PRKG1: variants seen among roughly 807,000 people sequenced by gnomAD.
PRKG1 encodes the protein cGMP-dependent protein kinase 1.
In PRKG1, 35 loss-of-function variants were observed where a neutral mutation model predicts 88.1. The ratio of observed to expected loss-of-function variants is 0.40; its 90% CI spans 0.30 to 0.53. PRKG1 has a LOEUF of 0.53. PRKG1 is among the 20% of genes least tolerant of loss of function. The pLI is 0.59. For synonymous variants in PRKG1, 303 were observed against 292.5 expected, an observed-to-expected ratio of 1.04 and a Z score of -0.37; for missense variants, 540 against 839.8, an observed-to-expected ratio of 0.64 and a Z score of 4.41.
chr10:51,897,722 A>G (rs1207903506), intron 4 of PRKG1, among the ~76,000 whole-genome samples: 2 of 152,074 alleles, frequency 1.3e-5, no homozygotes, highest in African/African-American at 2.4e-5. Context: ...TTCAAAATAT[A>G]ACAGAGCCCA....
intron 4 of PRKG1, among the ~76,000 whole-genome samples, chr10:51,880,833 T>C (rs1446543131): frequency 6.6e-6 from 1 of 152,182 alleles, no homozygotes; most frequent in Non-Finnish European, 1.5e-5. Context: ...GGTTCATCAA[T>C]TCAAGAATTA....
intron 7 of PRKG1, among the ~76,000 whole-genome samples, chr10:52,098,625 T>C (rs1847227704): frequency 6.6e-6 from 1 of 152,082 alleles, no homozygotes; most frequent in Non-Finnish European, 1.5e-5. Flanking sequence ...GATGTGTAAA[T>C]AGATGTATAA....
intron 2 of PRKG1, among the ~76,000 whole-genome samples, chr10:51,398,873 CT>C (rs1380681264): frequency 2.0e-5 from 3 of 152,144 alleles, no homozygotes; most frequent in Non-Finnish European, 2.9e-5. Context: ...GAACATCAGT[CT>C]TTTGCTTCTT....
intron 1 of PRKG1, among the ~76,000 whole-genome samples, chr10:51,050,761 C>G (rs893317522): frequency 8.5e-5 from 13 of 152,144 alleles, no homozygotes; most frequent in African/African-American, 2.9e-4. Context: ...GTGGCTGCAC[C>G]AGTTTACATT....
intron 3 of PRKG1, among the ~76,000 whole-genome samples, chr10:51,471,197 C>A (rs1285318625): frequency 1.3e-5 from 2 of 151,900 alleles, no homozygotes; most frequent in African/African-American, 2.4e-5. Context: ...TAACTGTGAT[C>A]TGAAAATGAC....
intron 3 of PRKG1, among the ~76,000 whole-genome samples, chr10:51,679,550 G>A (rs1239562534): frequency 6.6e-6 from 1 of 151,836 alleles, no homozygotes; most frequent in Non-Finnish European, 1.5e-5. Context: ...ATAACTTTCA[G>A]CATAAAGATC....
At chr10:51,965,173 A>T (rs1441225173) in intron 5 of PRKG1, among the ~76,000 whole-genome samples, 1 of 152,136 alleles carries the variant, frequency 6.6e-6, no homozygotes, top group African/African-American at 2.4e-5. Flanking sequence ...AGATTATTTC[A>T]TCAATGAGGT....
At chr10:51,965,052 C>T (rs564992665) in intron 5 of PRKG1, among the ~76,000 whole-genome samples, 22 of 152,184 alleles carry the variant, frequency 1.4e-4, no homozygotes, top group African/African-American at 7.2e-5. Flanking sequence ...ATGGAATAAA[C>T]AGAATAAATT....
chr10:51,534,679 A>AAG (rs1554819416), intron 3 of PRKG1, among the ~76,000 whole-genome samples: 8 of 150,976 alleles, frequency 5.3e-5, no homozygotes, highest in East Asian at 3.9e-4. Flanking sequence ...AAAAAAAAAA[A>AAG]AAAGAAAGAA....
intron 2 of PRKG1, among the ~76,000 whole-genome samples, chr10:51,439,583 G>A (rs1280346192): frequency 6.6e-6 from 1 of 151,776 alleles, no homozygotes; most frequent in African/African-American, 2.4e-5. Flanking sequence ...AATATCGGTG[G>A]ATTTTCAAGT....
At chr10:51,400,849 T>C (rs530256643) in intron 2 of PRKG1, among the ~76,000 whole-genome samples, 1 of 152,260 alleles carries the variant, frequency 6.6e-6, no homozygotes, top group African/African-American at 2.4e-5. Context: ...AGGTGTGTAA[T>C]GATGGGAATG....
In PRKG1 at chr10:51,251,413, T is replaced by C. The variant is rs563333205; in HGVS notation, c.478+98083T>C. 5.9e-5 allele frequency among the ~76,000 whole-genome samples: 9 copies of C among 151,930 alleles called. No homozygotes were observed. In the South Asian group the frequency reaches 1.7e-3, roughly 28 times the overall value. On this transcript the variant is annotated intron_variant, in intron 2 of 17. Coordinates refer to ENST00000373980, the MANE Select transcript of PRKG1 (RefSeq NM_006258.4). ...AGAGGAAATACCACTTGGAAGGATA[T>C]GTGTAATTCATTTCCATTTGGAACA...
At chr10:51,597,942 A>G (rs558810108) in intron 3 of PRKG1, among the ~76,000 whole-genome samples, 37 of 152,294 alleles carry the variant, frequency 2.4e-4, no homozygotes, top group African/African-American at 7.9e-4. Context: ...AAACAGTAAG[A>G]TAAAGTTGAT....
chr10:51,423,321 A>G (rs1352410385), intron 2 of PRKG1, among the ~76,000 whole-genome samples: 1 of 152,204 alleles, frequency 6.6e-6, no homozygotes, highest in African/African-American at 2.4e-5. Context: ...CCATTCTTGC[A>G]CTTGCAATTG....
Position 51,483,009 on chromosome 10 carries a change from C to CTTTTT in PRKG1, c.592+15189_592+15193dup, listed in dbSNP as rs149140774. Among the ~76,000 whole-genome samples, 353 of 110,406 alleles carry CTTTTT rather than the reference C, an allele frequency of 3.2e-3. 1 individual carries two copies. Among genetic ancestry groups the CTTTTT allele is most frequent in the African/African-American group, 4.5e-3 (133 of 29,264 alleles). The allele number at this position is 110,406 out of a possible 152,430, so 72.4% of individuals were successfully genotyped here. On this transcript the variant is annotated intron_variant, in intron 3 of 17. Coordinates refer to ENST00000373980, the MANE Select transcript of PRKG1 (RefSeq NM_006258.4). ...GTTTCCTGAATCTTTTCTTTTCTTT[C>CTTTTT]TTTTTTTTTTTTTTTTTTTTGAGAT...
At chr10:52,172,088 C>T (rs1021296613) in intron 9 of PRKG1, among the ~76,000 whole-genome samples, 1 of 152,146 alleles carries the variant, frequency 6.6e-6, no homozygotes. Flanking sequence ...AGGCGTGAGC[C>T]ACCGCGCCCG....
intron 9 of PRKG1, among the ~76,000 whole-genome samples, chr10:52,184,400 A>T (rs1291755392): frequency 1.3e-5 from 2 of 152,194 alleles, no homozygotes; most frequent in African/African-American, 4.8e-5. Context: ...TTTAATTTAG[A>T]GGCTGAATTT....
chr10:51,487,414 T>G (rs111484360), intron 3 of PRKG1, among the ~76,000 whole-genome samples: 40 of 152,240 alleles, frequency 2.6e-4, no homozygotes, highest in African/African-American at 9.1e-4. Context: ...TATTTACAAG[T>G]ATGAACTCTA....
At chr10:52,231,046 T>C (rs1840508913) in intron 9 of PRKG1, 2 of 152,206 alleles carry the variant, frequency 1.3e-5, no homozygotes, top group African/African-American at 4.8e-5. Context: ...TATGTGCTTC[T>C]TCATGGAGCA....
Sources: gnomAD v4.1 joint callset for allele counts (sites outside exome capture counted in the v4.1 genomes callset) on GRCh38, gnomAD v4.1.1 for gene constraint, MANE v1.5 for transcripts, NCBI Gene and HGNC (gene_info 2026-07-23, HGNC 2026-07-21) for gene names.